CES4A: variants seen among roughly 807,000 people sequenced by gnomAD.
CES4A encodes carboxylesterase 4A, also known as carboxylesterase 6.
Under a neutral mutation model 65.4 loss-of-function variants are expected in CES4A, and 48 were observed. The observed-to-expected ratio is 0.73, with a 90% confidence interval of 0.58 to 0.93. The LOEUF is 0.93. Among genes scored for constraint, CES4A ranks in the 40% least tolerant of loss-of-function variants. The pLI is 0.00. For missense variants in CES4A, 685 were observed against 728.5 expected (o/e 0.94, Z 0.69); for synonymous variants, 247 against 281.8 (o/e 0.88, Z 1.24).
chr16:66,991,354 A>C (rs928916754), intron 1 of CES4A, among the ~76,000 whole-genome samples: 5 of 152,272 alleles, frequency 3.3e-5, no homozygotes, highest in African/African-American at 1.2e-4. Flanking sequence ...CTTTGTATAC[A>C]TTTCGCCAAA....
intron 2 of CES4A, among the ~76,000 whole-genome samples, chr16:66,999,768 T>G (rs1351328937): frequency 6.6e-6 from 1 of 152,074 alleles, no homozygotes; most frequent in African/African-American, 2.4e-5. Context: ...GCCACTACAC[T>G]CCAGCCTGGG....
intron 5 of CES4A, among the ~76,000 whole-genome samples, chr16:67,002,546 C>T (rs1283633639): frequency 6.6e-6 from 1 of 151,898 alleles, no homozygotes; most frequent in Admixed American, 6.6e-5. Flanking sequence ...GGGGTGTGGT[C>T]ATTAGCAGAG....
Position 67,001,764 on chromosome 16 carries a change from T to A in CES4A, c.690+303T>A, listed in dbSNP as rs905520706. ...CACATTCCCCCAGAACTCTATCCCC[T>A]GAACAGAGCCCACCATCTGCCCCCT... On this transcript the variant is annotated intron_variant, in intron 5 of 13. Coordinates refer to ENST00000648724, the Ensembl canonical transcript of CES4A. This position sits in a 1 kb window ranked among gnomAD's most constrained non-coding sequence, Gnocchi z 4.1. Among the ~76,000 whole-genome samples, 25 of 152,250 alleles carry A rather than the reference T, an allele frequency of 1.6e-4. No homozygotes were observed. The highest frequency in any genetic ancestry group is 5.5e-4 in the African/African-American group (23 of 41,474).
intron 2 of CES4A, among the ~76,000 whole-genome samples, chr16:66,999,759 C>T (rs1965135814): frequency 1.3e-5 from 2 of 152,208 alleles, no homozygotes; most frequent in African/African-American, 4.8e-5. Flanking sequence ...CAAGATCGTG[C>T]CACTACACTC....
intron 1 of CES4A, among the ~76,000 whole-genome samples, chr16:66,992,153 C>G (rs767539867): frequency 3.9e-5 from 6 of 152,352 alleles, no homozygotes; most frequent in East Asian, 1.9e-4. Flanking sequence ...TCACGGCCCC[C>G]CTCTGGGTCT....
chr16:67,000,482 G>A lies in CES4A; in HGVS notation c.261-156G>A, dbSNP rs1965199001. On this transcript the variant is annotated intron_variant, in intron 2 of 13. Coordinates refer to ENST00000648724, the Ensembl canonical transcript of CES4A. The surrounding 1 kb of genome is among the most constrained non-coding windows in gnomAD (Gnocchi z 4.2). ...CTCCCAGTCCTGGGCCCCGGGGCTG[G>A]CGGAGGCCTCCTGTACACGCACACG... 1.4e-6 allele frequency: 2 copies of A among 1,424,406 alleles called. No homozygotes were observed. Among genetic ancestry groups the A allele is most frequent in the South Asian group, 3.0e-5 (2 of 66,220 alleles). The allele number at this position is 1,424,406 out of a possible 1,614,324, so 88.2% of individuals were successfully genotyped here. A position where few individuals can be genotyped will look rare whatever the true frequency, so the allele number is the denominator to read the frequency against.
intron 11 of CES4A, chr16:67,005,798 G>A (rs1161805661): frequency 2.7e-5 from 5 of 184,124 alleles, no homozygotes; most frequent in East Asian, 3.4e-4. Flanking sequence ...GCAGTGAGCC[G>A]ACATCACACC....
intron 8 of CES4A, 22 bp from the exon 9 acceptor site, chr16:67,004,061 TG>T: frequency 6.2e-7 from 1 of 1,613,124 alleles, no homozygotes; most frequent in South Asian, 1.1e-5. Flanking sequence ...GGAGACTGGC[TG>T]GAAATGCCCT....
chr16:67,009,067 G>C, exon 14 of CES4A: 1 of 1,614,246 alleles, frequency 6.2e-7, no homozygotes, highest in Non-Finnish European at 8.5e-7. Context: ...TGGGCATGAA[G>C]CTCAAGGAGA....
Position 67,003,324 on chromosome 16 carries a change from A to G in CES4A, c.864A>G (p.Leu288=), listed in dbSNP as rs1567584937. 1.9e-6 allele frequency: 3 copies of G among 1,614,090 alleles called. No homozygotes were observed. The highest frequency in any genetic ancestry group is 2.5e-6 in the Non-Finnish European group (3 of 1,180,018). Reference sequence around the variant, plus strand: ...TCCTGGTAAACTGCCTGAGGGCACTATCAGGGACCAAGGTGATGCGTGTGT... The same window carrying G: ...TCCTGGTAAACTGCCTGAGGGCACTGTCAGGGACCAAGGTGATGCGTGTGT... Residue 288 remains leucine, a synonymous_variant, in exon 7 of 14, where the codon CTA becomes CTG. Transcript: ENST00000648724. The surrounding 1 kb of genome is among the most constrained non-coding windows in gnomAD (Gnocchi z 4.2).
chr16:67,000,818 G>T lies in CES4A; in HGVS notation c.402+39G>T, dbSNP rs1176138999. The T allele has an allele frequency of 6.4e-7, 1 of 1,553,948 alleles. No homozygotes were observed. Among genetic ancestry groups the T allele is most frequent in the South Asian group, 1.2e-5 (1 of 84,574 alleles). ...CTCCCGCGCCCGCGGTCCCACCGCC[G>T]CCCACCGCCCCGCTCAGATCCCGGC... On this transcript the variant is annotated intron_variant, in intron 3 of 13. Coordinates refer to ENST00000648724, the Ensembl canonical transcript of CES4A. The surrounding 1 kb of genome is among the most constrained non-coding windows in gnomAD (Gnocchi z 4.2).
At chr16:67,009,120 C>G in exon 14 of CES4A, 1 of 1,612,886 alleles carries the variant, frequency 6.2e-7, no homozygotes, top group African/African-American at 1.3e-5. Context: ...TCTCAAAGAC[C>G]TGAGAAGCAG....
chr16:67,006,215 A>C (rs1395702133), intron 11 of CES4A, 176 bp from the exon 12 acceptor site: 6 of 613,108 alleles, frequency 9.8e-6, no homozygotes, highest in Non-Finnish European at 1.7e-5. Flanking sequence ...AGGTAGAGCA[A>C]CTTGCTTTAG....
downstream of CES4A, among the ~76,000 whole-genome samples, chr16:67,010,106 C>T (rs1966058577): frequency 6.7e-6 from 1 of 148,964 alleles, no homozygotes; most frequent in African/African-American, 2.5e-5. Context: ...GCTCTTGTCA[C>T]CCAGGCTGGA....
chr16:67,009,198 G>A, exon 14 of CES4A: 1 of 1,524,844 alleles, frequency 6.6e-7, no homozygotes, highest in Admixed American at 1.9e-5. Context: ...TCCAGGCCCT[G>A]GGGAGACTAG....
Position 67,001,086 on chromosome 16 carries a change from G to A in CES4A, c.536+96G>A, listed in dbSNP as rs1297226001. 1 of 1,107,526 alleles carries A rather than the reference G, an allele frequency of 9.0e-7. No individual in the cohort carries two copies. Among genetic ancestry groups the A allele is most frequent in the East Asian group, 2.6e-5 (1 of 38,002 alleles). The allele number at this position is 1,107,526 out of a possible 1,614,324, so 68.6% of individuals were successfully genotyped here. On this transcript the variant is annotated intron_variant, in intron 4 of 13. Coordinates refer to ENST00000648724, the Ensembl canonical transcript of CES4A. This position sits in a 1 kb window ranked among gnomAD's most constrained non-coding sequence, Gnocchi z 4.1. ...GCGGGGCCTGGGGCGGGGATGGGGG[G>A]GGTGGGGCCGCGAGGCGGGGGCGGG...
At chr16:67,007,108 A>G (rs907972605) in intron 13 of CES4A, 3 of 392,276 alleles carry the variant, frequency 7.6e-6, no homozygotes, top group Non-Finnish European at 1.4e-5. Flanking sequence ...CTGGAATTCA[A>G]GGATGTTGCA....
chr16:66,995,703 A>C (rs746274234), exon 2 of CES4A: 1 of 1,614,248 alleles, frequency 6.2e-7, no homozygotes, highest in Non-Finnish European at 8.5e-7. Context: ...CATGTGGGGA[A>C]GACACCCATC....
chr16:67,005,501 G>A, intron 11 of CES4A, 108 bp downstream of exon 11: 1 of 1,077,146 alleles, frequency 9.3e-7, no homozygotes, highest in East Asian at 2.4e-5. Flanking sequence ...GTACTTCTGG[G>A]CTAGTATAGG....
Sources: allele counts gnomAD v4.1 joint callset (sites outside exome capture counted in the v4.1 genomes callset), GRCh38; gene constraint gnomAD v4.1.1; non-coding constraint Gnocchi (gnomAD v3.1); transcripts MANE v1.5; gene names NCBI Gene and HGNC (gene_info 2026-07-23, HGNC 2026-07-21).